Variants in SFXN1 observed in about 807,000 individuals in gnomAD.
SFXN1 encodes sideroflexin-1.
A neutral mutation model predicts 39.5 loss-of-function variants in SFXN1; 32 were observed. That is an observed-to-expected ratio of 0.81 (90% confidence interval 0.61 to 1.09). SFXN1 has a LOEUF of 1.09. Among genes scored for constraint, SFXN1 ranks in the 50% least tolerant of loss-of-function variants. The pLI is 0.00. For missense variants in SFXN1, 402 were observed against 407.1 expected (o/e 0.99, Z 0.11); for synonymous variants, 136 against 146.5 (o/e 0.93, Z 0.52).
chr5:175,520,696 C>G (rs1760852643), intron 8 of SFXN1, among the ~76,000 whole-genome samples: 1 of 152,166 alleles, frequency 6.6e-6, no homozygotes, highest in African/African-American at 2.4e-5. Flanking sequence ...CTCACAGGGT[C>G]AAGAGCACAG....
At chr5:175,513,636 G>A in intron 7 of SFXN1, 46 bp downstream of exon 7, 2 of 1,600,998 alleles carry the variant, frequency 1.2e-6, no homozygotes, top group East Asian at 2.2e-5. Flanking sequence ...GGTTGAACCA[G>A]CGTTCACGGA....
chr5:175,495,902 GCTT>G (rs1335183877), intron 2 of SFXN1, among the ~76,000 whole-genome samples: 2 of 133,858 alleles, frequency 1.5e-5, no homozygotes, highest in East Asian at 4.4e-4. Context: ...ATTAAAAGTG[GCTT>G]TTTTTTTTTT....
intron 10 of SFXN1, chr5:175,523,193 T>C (rs1332921127): frequency 1.3e-5 from 2 of 152,326 alleles, no homozygotes; most frequent in African/African-American, 2.4e-5. Context: ...GAACTCCACC[T>C]TGTATCTGCT....
At chr5:175,506,093 C>T (rs1486760750) in intron 2 of SFXN1, among the ~76,000 whole-genome samples, 5 of 152,220 alleles carry the variant, frequency 3.3e-5, no homozygotes, top group Admixed American at 6.5e-5. Context: ...GCTGGGATTA[C>T]AGGCGTAAGC....
At chr5:175,510,705 A>G (rs966835136) in intron 4 of SFXN1, among the ~76,000 whole-genome samples, 2 of 152,172 alleles carry the variant, frequency 1.3e-5, no homozygotes, top group African/African-American at 4.8e-5. Flanking sequence ...AAAAGAAAGC[A>G]ATGAGTTTTA....
chr5:175,489,736 A>G (rs1759588987), intron 1 of SFXN1, among the ~76,000 whole-genome samples: 1 of 152,128 alleles, frequency 6.6e-6, no homozygotes, highest in African/African-American at 2.4e-5. Flanking sequence ...GACAAATATT[A>G]TCCTCCTTCT....
intron 1 of SFXN1, among the ~76,000 whole-genome samples, chr5:175,480,326 G>A (rs1421521840): frequency 6.6e-6 from 1 of 152,078 alleles, no homozygotes; most frequent in East Asian, 1.9e-4. Flanking sequence ...GCCTGAACCC[G>A]GGAGGCGGAG....
At chr5:175,503,193 A>C (rs970104420) in intron 2 of SFXN1, among the ~76,000 whole-genome samples, 3 of 152,210 alleles carry the variant, frequency 2.0e-5, no homozygotes, top group African/African-American at 2.4e-5. Context: ...AGCAAATTGG[A>C]CACTTAAAGT....
Position 175,513,590 on chromosome 5 carries a change from G to A in SFXN1, c.724G>A (p.Ala242Thr). Residue 242 changes from alanine to threonine, a missense_variant and splice_region_variant, in exon 7 of 11, where the codon GCC becomes ACC. Physicochemically the swap from Ala to Thr is moderately conservative, Grantham distance 58. Coordinates refer to ENST00000321442, the MANE Select transcript of SFXN1 (RefSeq NM_022754.7). ...GATTCTCATGGCAGCCCCTGGCATGGGTTAGCAGGACTTTGTCATTTATTC... is the reference window on the plus strand; with the variant it reads ...GATTCTCATGGCAGCCCCTGGCATGAGTTAGCAGGACTTTGTCATTTATTC... ...SRILMAAPGM[A>T]IPPFIMNTLE... The A allele has an allele frequency of 6.2e-7, 1 of 1,613,376 alleles. No homozygotes were observed. Among genetic ancestry groups the A allele is most frequent in the Non-Finnish European group, 8.5e-7 (1 of 1,179,672 alleles).
At chr5:175,513,153 T>C (rs1481477943) in intron 6 of SFXN1, among the ~76,000 whole-genome samples, 1 of 151,736 alleles carries the variant, frequency 6.6e-6, no homozygotes, top group African/African-American at 2.4e-5. Context: ...ATACAAAAAT[T>C]GGCCGGCACA....
chr5:175,508,319 G>A lies in SFXN1; in HGVS notation c.165-713G>A, dbSNP rs141960157. Reference sequence around the variant, plus strand: ...CTGCTCACTGCAGCCTCAACCTCCCGGGCTCAAGTGATCCTCTTGCCTCAG... The same window carrying A: ...CTGCTCACTGCAGCCTCAACCTCCCAGGCTCAAGTGATCCTCTTGCCTCAG... On this transcript the variant is annotated intron_variant, in intron 2 of 10. Coordinates refer to ENST00000321442, the MANE Select transcript of SFXN1 (RefSeq NM_022754.7). Among the ~76,000 whole-genome samples the A allele has an allele frequency of 5.4e-3, 791 of 145,200 alleles. 4 individuals are homozygous for A. The highest frequency in any genetic ancestry group is 0.019 in the African/African-American group (727 of 38,780).
At chr5:175,505,924 A>T (rs1196803825) in intron 2 of SFXN1, among the ~76,000 whole-genome samples, 1 of 152,120 alleles carries the variant, frequency 6.6e-6, no homozygotes, top group African/African-American at 2.4e-5. Flanking sequence ...GGTTCAAGCA[A>T]TTCTGCCTCA....
intron 2 of SFXN1, among the ~76,000 whole-genome samples, chr5:175,499,857 CTT>C (rs1231518422): frequency 6.6e-6 from 1 of 152,050 alleles, no homozygotes; most frequent in African/African-American, 2.4e-5. Context: ...AAAAGTAAAA[CTT>C]TCCTTATTCA....
intron 8 of SFXN1, among the ~76,000 whole-genome samples, chr5:175,517,036 G>A (rs1760733398): frequency 6.6e-6 from 1 of 152,142 alleles, no homozygotes; most frequent in South Asian, 2.1e-4. Context: ...GTCTCAGTTT[G>A]GGAACAGTTA....
At chr5:175,521,350 G>A (rs1760872995) in intron 8 of SFXN1, among the ~76,000 whole-genome samples, 1 of 151,950 alleles carries the variant, frequency 6.6e-6, no homozygotes, top group Admixed American at 6.6e-5. Flanking sequence ...GAGGTGTAAA[G>A]TGGGGTGAGG....
intron 2 of SFXN1, among the ~76,000 whole-genome samples, chr5:175,507,973 T>TAAAAAAA (rs74722265): frequency 0.029 from 3,644 of 123,998 alleles, 134 homozygotes; most frequent in African/African-American, 0.11. Flanking sequence ...ACCCTGTCTT[T>TAAAAAAA]AAAAAAAAAA....
At position 175,527,983 on chromosome 5, in the gene SFXN1, A is replaced by G. The variant is rs905608041; in HGVS notation, c.*1249A>G. On this transcript the variant is annotated 3_prime_UTR_variant, in exon 11 of 11. Transcript: ENST00000321442. ...CACCCAGGCTGGAGTGCAGTGGCGT[A>G]GTCTCGGCTCACTGCAAGCTCCGCC... 4 of 138,124 alleles carry G rather than the reference A, an allele frequency of 2.9e-5. No homozygotes were observed. Among genetic ancestry groups the G allele is most frequent in the African/African-American group, 8.5e-5 (3 of 35,372 alleles). 8.6% of individuals were successfully genotyped at this position (138,124 alleles called of 1,614,324 possible).
At chr5:175,515,187 T>C (rs1034239288) in intron 7 of SFXN1, among the ~76,000 whole-genome samples, 2 of 152,168 alleles carry the variant, frequency 1.3e-5, no homozygotes, top group African/African-American at 4.8e-5. Flanking sequence ...CAGCTGATTT[T>C]TGTATATTTT....
intron 1 of SFXN1, among the ~76,000 whole-genome samples, chr5:175,480,225 C>T (rs1166502940): frequency 6.6e-6 from 1 of 152,134 alleles, no homozygotes; most frequent in Non-Finnish European, 1.5e-5. Context: ...GCCGGTGAAA[C>T]CCCGTCTCTA....
Sources: allele counts gnomAD v4.1 joint callset (sites outside exome capture counted in the v4.1 genomes callset), GRCh38; gene constraint gnomAD v4.1.1; transcripts MANE v1.5; gene names NCBI Gene and HGNC (gene_info 2026-07-23, HGNC 2026-07-21).